Variants in RXYLT1 observed in about 807,000 individuals in gnomAD.
RXYLT1 encodes the protein ribitol-5-phosphate xylosyltransferase 1.
A neutral mutation model predicts 43.5 loss-of-function variants in RXYLT1; 41 were observed. The observed-to-expected ratio is 0.94, with a 90% CI of 0.73 to 1.22. The LOEUF (loss-of-function observed/expected upper bound fraction) is 1.22, where lower values mean the gene tolerates loss of function less well. RXYLT1 is among the 50% of genes most tolerant of loss of function. The pLI is 0.00. For missense variants in RXYLT1, 514 were observed against 532.0 expected (o/e 0.97, Z 0.33); for synonymous variants, 166 against 194.4 (o/e 0.85, Z 1.21).
chr12:63,784,840 A>G (rs955485476), intron 2 of RXYLT1, 130 bp from the exon 3 acceptor site: 16 of 639,332 alleles, frequency 2.5e-5, no homozygotes, highest in East Asian at 8.9e-5. Context: ...CTGCCTGCCA[A>G]CGGCCCAAAG....
chr12:63,788,690 T>G (rs1222983278), intron 3 of RXYLT1, among the ~76,000 whole-genome samples: 1 of 152,250 alleles, frequency 6.6e-6, no homozygotes, highest in East Asian at 1.9e-4. Context: ...ATGTTGTGGC[T>G]GGTTTGATCC....
chr12:63,784,790 A>G (rs186929571), intron 2 of RXYLT1, among the ~76,000 whole-genome samples, 180 bp from the exon 3 acceptor site: 18 of 152,350 alleles, frequency 1.2e-4, no homozygotes, highest in Non-Finnish European at 1.2e-4. Flanking sequence ...GTCTCTCATT[A>G]GCTGCCATGT....
intron 1 of RXYLT1, chr12:63,780,473 TC>T: frequency 4.4e-6 from 5 of 1,124,038 alleles, no homozygotes; most frequent in Non-Finnish European, 5.4e-6. Flanking sequence ...GTTTAAGACA[TC>T]CGTTTCCATG....
intron 3 of RXYLT1, among the ~76,000 whole-genome samples, chr12:63,787,744 A>C (rs1897837249): frequency 6.6e-6 from 1 of 152,060 alleles, no homozygotes. Context: ...CTCGTGCTTC[A>C]ACATCCCAAG....
intron 3 of RXYLT1, among the ~76,000 whole-genome samples, chr12:63,797,646 G>A (rs1165824144): frequency 6.6e-6 from 1 of 152,146 alleles, no homozygotes; most frequent in Non-Finnish European, 1.5e-5. Flanking sequence ...CCACATTAAG[G>A]CTCTTGGACT....
chr12:63,780,151 C>T (rs1177711411), intron 1 of RXYLT1, 22 bp downstream of exon 1: 4 of 1,445,052 alleles, frequency 2.8e-6, no homozygotes, highest in Non-Finnish European at 2.7e-6. Context: ...TCGGCGGCTT[C>T]CTTCCGGCTC....
chr12:63,808,539 GAT>G, intron 5 of RXYLT1, 134 bp from the exon 6 acceptor site: 1 of 869,980 alleles, frequency 1.1e-6, no homozygotes, highest in South Asian at 2.0e-5. Flanking sequence ...CAGGATTTTG[GAT>G]ATCTCTTATG....
chr12:63,806,110 T>C (rs888046965), intron 5 of RXYLT1: 3 of 152,252 alleles, frequency 2.0e-5, no homozygotes, highest in African/African-American at 7.2e-5. Flanking sequence ...TCTGGAATTT[T>C]ACTTTTTAAA....
At chr12:63,793,150 T>C (rs1409755673) in intron 3 of RXYLT1, among the ~76,000 whole-genome samples, 3 of 152,248 alleles carry the variant, frequency 2.0e-5, no homozygotes, top group South Asian at 4.1e-4. Flanking sequence ...CCTAATCTGC[T>C]ACAACCCAGT....
chr12:63,802,954 A>G (rs1426370049), intron 4 of RXYLT1, among the ~76,000 whole-genome samples: 1 of 151,538 alleles, frequency 6.6e-6, no homozygotes, highest in Non-Finnish European at 1.5e-5. Context: ...AGATTGCTCG[A>G]GTCCAGGAGT....
At chr12:63,795,569 C>A (rs1412744073) in intron 3 of RXYLT1, 2 of 149,610 alleles carry the variant, frequency 1.3e-5, no homozygotes, top group Admixed American at 6.6e-5. Context: ...CAGAGCAAGA[C>A]CCTGTCTCAA....
chr12:63,782,595 T>C (rs530958464), intron 2 of RXYLT1: 1 of 456,756 alleles, frequency 2.2e-6, no homozygotes, highest in East Asian at 6.9e-5. Flanking sequence ...TTGTGGGCCC[T>C]CTGTGTATGT....
At chr12:63,808,461 T>C in intron 5 of RXYLT1, 1 of 562,474 alleles carries the variant, frequency 1.8e-6, no homozygotes. Flanking sequence ...CGGTGACTCC[T>C]AGATTTTATA....
At chr12:63,789,393 C>G (rs1446611111) in intron 3 of RXYLT1, among the ~76,000 whole-genome samples, 1 of 152,094 alleles carries the variant, frequency 6.6e-6, no homozygotes, top group Non-Finnish European at 1.5e-5. Context: ...GAAAGACCTG[C>G]CCCCATGATT....
intron 3 of RXYLT1, among the ~76,000 whole-genome samples, chr12:63,800,741 C>CAAAAACCCTGTCTCTACT: frequency 6.6e-6 from 1 of 151,932 alleles, no homozygotes; most frequent in South Asian, 2.1e-4. Context: ...GCCAACATGG[C>CAAAAACCCTGTCTCTACT]AAAAACCCTG....
chr12:63,780,195 GCCGGGTCCCCGCACCCGGCTCTCAAGT>G (rs1897644687), intron 1 of RXYLT1, 66 bp downstream of exon 1: 1 of 1,396,244 alleles, frequency 7.2e-7, no homozygotes, highest in Non-Finnish European at 9.2e-7. Flanking sequence ...GGCGGCTGGG[GCCGGGTCCCCGCACCCGGCTCTCAAGT>G]CCGGGATTAC....
At chr12:63,781,886 G>T (rs1318402560) in intron 2 of RXYLT1, among the ~76,000 whole-genome samples, 1 of 152,144 alleles carries the variant, frequency 6.6e-6, no homozygotes, top group Non-Finnish European at 1.5e-5. Flanking sequence ...AGAGGAAAAT[G>T]TACAGAGCAT....
At chr12:63,801,172 C>T (rs1898150921) in intron 3 of RXYLT1, among the ~76,000 whole-genome samples, 1 of 152,102 alleles carries the variant, frequency 6.6e-6, no homozygotes, top group South Asian at 2.1e-4. Context: ...TATACTGATC[C>T]TAAATATATA....
intron 3 of RXYLT1, among the ~76,000 whole-genome samples, chr12:63,786,851 T>G (rs576669545): frequency 6.6e-6 from 1 of 152,168 alleles, no homozygotes; most frequent in Non-Finnish European, 1.5e-5. Context: ...CAGTGGCTCA[T>G]GCCTGTAATC....
Sources: gnomAD v4.1 joint callset for allele counts (sites outside exome capture counted in the v4.1 genomes callset) on GRCh38, gnomAD v4.1.1 for gene constraint, MANE v1.5 for transcripts, NCBI Gene and HGNC (gene_info 2026-07-23, HGNC 2026-07-21) for gene names.